The following TAB1 variants were observed in gnomAD, a reference collection of about 807,000 sequenced individuals.
TAB1 encodes the protein TGF-beta activated kinase 1 (MAP3K7) binding protein 1.
Under a neutral mutation model 54.5 loss-of-function variants are expected in TAB1, and 30 were observed. The observed-to-expected ratio is 0.55, with a 90% CI of 0.41 to 0.75. TAB1 has a LOEUF of 0.75. TAB1 is among the 30% of genes least tolerant of loss of function. The pLI is 0.00. For missense variants in TAB1, 609 were observed against 683.2 expected, an observed-to-expected ratio of 0.89 and a Z score of 1.21; for synonymous variants, 289 against 286.9, an observed-to-expected ratio of 1.01 and a Z score of -0.07.
intron 4 of TAB1, 84 bp from the exon 5 acceptor site, chr22:39,417,627 A>G: frequency 2.1e-6 from 3 of 1,422,702 alleles, no homozygotes; most frequent in African/African-American, 2.9e-5. Context: ...TCTCAAAAAA[A>G]AAAAAAAGAG....
At position 39,420,882 on chromosome 22, in the gene TAB1, CTGTGTGTG is replaced by C. The variant is rs3043618; in HGVS notation, c.777-907_777-900del. 1.9e-3 allele frequency among the ~76,000 whole-genome samples: 27 copies of C among 14,386 alleles called. 1 individual carries two copies. The highest frequency in any genetic ancestry group is 6.0e-3 in the African/African-American group (20 of 3,314). The allele number at this position is 14,386 out of a possible 152,430, so 9.4% of individuals were successfully genotyped here. Reference sequence around the variant, plus strand: ...CACCCAGGTGCTGGGGTGTCTCTCTCTGTGTGTGTGTGTGTGTGTGTGTGTGTGTGTGT... The same window carrying C: ...CACCCAGGTGCTGGGGTGTCTCTCTCTGTGTGTGTGTGTGTGTGTGTGTGT... On this transcript the variant is annotated intron_variant, in intron 7 of 10. Coordinates refer to ENST00000216160, the MANE Select transcript of TAB1 (RefSeq NM_006116.3).
At chr22:39,433,174 G>A (rs972007118), downstream of TAB1, 37 of 985,288 alleles carry the variant, frequency 3.8e-5, no homozygotes, top group Middle Eastern at 5.2e-4. Flanking sequence ...AGTCTCGGCC[G>A]GGCGCGGTGG....
chr22:39,426,710 C>T lies in TAB1; in HGVS notation c.929C>T (p.Ala310Val). ...TCCTACCCCCTCCCCCAGGAGATTG[C>T]TGCGATGATTGACACTGAGTTTGCC... The part of the protein sequence containing the change: ...HGPGQANQEI[A>V]AMIDTEFAKQ... Residue 310 changes from alanine (A) to valine (V), a missense_variant, in exon 9 of 11, where the codon GCT becomes GTT. Ala to Val is a moderately conservative substitution (Grantham distance 64). Transcript: ENST00000216160. 1 of 1,600,174 alleles carries T rather than the reference C, an allele frequency of 6.2e-7. No individual in the cohort carries two copies. Among genetic ancestry groups the T allele is most frequent in the Non-Finnish European group, 8.6e-7 (1 of 1,168,798 alleles).
At chr22:39,435,600 G>C, downstream of TAB1, among the ~76,000 whole-genome samples, 1 of 152,232 alleles carries the variant, frequency 6.6e-6, no homozygotes, top group East Asian at 1.9e-4. Context: ...CTCCGTATCA[G>C]AAAGGGCTTT....
chr22:39,427,258 T>C (rs1031540254), intron 9 of TAB1, among the ~76,000 whole-genome samples: 1 of 152,200 alleles, frequency 6.6e-6, no homozygotes, highest in African/African-American at 2.4e-5. Context: ...CAGCCTGCCT[T>C]ATTCCCTTCA....
At chr22:39,406,954 ATTGT>A (rs1926394453) in intron 1 of TAB1, among the ~76,000 whole-genome samples, 2 of 152,236 alleles carry the variant, frequency 1.3e-5, no homozygotes, top group South Asian at 4.1e-4. Context: ...TTTTTTAGAG[ATTGT>A]TTGGAACAGT....
At chr22:39,405,515 C>T (rs1203271112) in intron 1 of TAB1, among the ~76,000 whole-genome samples, 1 of 152,252 alleles carries the variant, frequency 6.6e-6, no homozygotes, top group Non-Finnish European at 1.5e-5. Context: ...TTCTCAGCTT[C>T]TCGCAGACTC....
intron 1 of TAB1, among the ~76,000 whole-genome samples, chr22:39,412,485 C>A (rs1372394817): frequency 7.3e-6 from 1 of 137,120 alleles, no homozygotes; most frequent in Non-Finnish European, 1.6e-5. Context: ...TGTCAACATT[C>A]ACAGATGTGC....
intron 8 of TAB1, among the ~76,000 whole-genome samples, chr22:39,423,402 C>T (rs948771217): frequency 1.3e-5 from 2 of 152,140 alleles, no homozygotes; most frequent in Non-Finnish European, 2.9e-5. Flanking sequence ...GTCAGGAGTT[C>T]GAGACCAGCC....
chr22:39,414,982 C>T (rs369522191), intron 1 of TAB1, 24 bp from the exon 2 acceptor site: 49 of 1,613,198 alleles, frequency 3.0e-5, no homozygotes, highest in African/African-American at 2.0e-4. Context: ...TGGCGTCTCA[C>T]GGCTTCCTGG....
rs1569199769 is a variant in TAB1, at chr22:39,421,834, A to G, written c.784A>G (p.Lys262Glu). ...TCCACTCTCTCCCCATAGCGCTGCC[A>G]AGTCCAAACCAATCATCGCAGAGCC... ...YTDIDLLSAAKSKPIIAEPEI... is the reference protein window; with the variant it reads ...YTDIDLLSAAESKPIIAEPEI... Residue 262 changes from lysine (K) to glutamate (E), a missense_variant, in exon 8 of 11, where the codon AAG (lysine) becomes GAG (glutamate). Transcript: ENST00000216160. 6.2e-7 allele frequency: 1 copy of G among 1,614,124 alleles called. No homozygotes were observed. The highest frequency in any genetic ancestry group is 2.2e-5 in the East Asian group (1 of 44,874).
intron 7 of TAB1, 136 bp from the exon 8 acceptor site, chr22:39,421,691 T>A: frequency 1.0e-6 from 1 of 959,806 alleles, no homozygotes; most frequent in South Asian, 1.7e-5. Context: ...ACCTTCTCTT[T>A]CTCTCTTTTC....
rs1479843598 is a variant in TAB1 at position 39,415,577 on chromosome 22, G to A, written c.248G>A (p.Arg83Gln). The A allele has an allele frequency of 1.9e-6, 3 of 1,613,990 alleles. No homozygotes were observed. Among genetic ancestry groups the A allele is most frequent in the Non-Finnish European group, 2.5e-6 (3 of 1,179,996 alleles). ...CGAGTGACCAACTTCGTGGCCCAGC[G>A]GCTGTCCGCAGAGCTCCTGCTGGGC... ...GNRVTNFVAQ[R>Q]LSAELLLGQL... is the part of the protein sequence containing the mutation. Residue 83 changes from arginine (R) to glutamine (Q), a missense_variant, in exon 3 of 11, where the codon CGG (arginine) becomes CAG (glutamine). By Grantham distance (43) the Arg-to-Gln change is conservative. Transcript: ENST00000216160. This position sits in a 1 kb window ranked among gnomAD's most constrained non-coding sequence, Gnocchi z 4.9.
intron 8 of TAB1, 126 bp from the exon 9 acceptor site, chr22:39,426,577 A>G: frequency 1.3e-6 from 1 of 797,926 alleles, no homozygotes; most frequent in Non-Finnish European, 1.9e-6. Context: ...CTTGGCTGGC[A>G]GGCATTTCCT....
chr22:39,432,733 C>T, downstream of TAB1: 1 of 985,622 alleles, frequency 1.0e-6, no homozygotes, highest in Non-Finnish European at 1.2e-6. Flanking sequence ...CAACTCTGGG[C>T]CCCAGGTCTC....
downstream of TAB1, among the ~76,000 whole-genome samples, chr22:39,434,624 G>A (rs998849615): frequency 2.6e-5 from 4 of 152,342 alleles, no homozygotes; most frequent in East Asian, 1.9e-4. Flanking sequence ...CCGCGTCAGG[G>A]ACAGACACAG....
intron 4 of TAB1, 50 bp downstream of exon 4, chr22:39,416,927 G>T (rs1259394903): frequency 3.2e-6 from 5 of 1,574,236 alleles, no homozygotes; most frequent in Non-Finnish European, 3.5e-6. Flanking sequence ...GCCCAGCTTT[G>T]CAAGGAGCAT....
chr22:39,417,437 G>T (rs1220927293), intron 4 of TAB1, among the ~76,000 whole-genome samples: 2 of 152,138 alleles, frequency 1.3e-5, no homozygotes, highest in Non-Finnish European at 2.9e-5. Flanking sequence ...TGGCTAACAT[G>T]GTGAAACCCC....
chr22:39,420,729 C>T (rs544082385), intron 7 of TAB1, among the ~76,000 whole-genome samples: 1 of 151,968 alleles, frequency 6.6e-6, no homozygotes, highest in Non-Finnish European at 1.5e-5. Flanking sequence ...TCTTGTGTAT[C>T]CTGTTCCAAA....
Sources: allele counts gnomAD v4.1 joint callset (sites outside exome capture counted in the v4.1 genomes callset), GRCh38; gene constraint gnomAD v4.1.1; non-coding constraint Gnocchi (gnomAD v3.1); transcripts MANE v1.5; gene names NCBI Gene and HGNC (gene_info 2026-07-23, HGNC 2026-07-21).